The following HTR3C variants were observed in gnomAD, a reference collection of about 807,000 sequenced individuals.
The protein encoded by HTR3C is 5-hydroxytryptamine receptor 3C.
Under a neutral mutation model 40.5 loss-of-function variants are expected in HTR3C, and 32 were observed. That is an observed-to-expected ratio of 0.79 (90% confidence interval 0.60 to 1.06). The LOEUF (loss-of-function observed/expected upper bound fraction) is 1.06, where lower values mean the gene tolerates loss of function less well. Ranked by LOEUF, HTR3C falls within the 50% of genes least tolerant of loss-of-function variation. HTR3C has a pLI of 0.00. For missense variants in HTR3C, 523 were observed against 556.8 expected (o/e 0.94, Z 0.61); for synonymous variants, 209 against 217.1 (o/e 0.96, Z 0.33).
In HTR3C at chr3:184,053,055, C is replaced by G; in HGVS notation, c.-26C>G. Reference sequence around the variant, plus strand: ...CAGGGTTTGGGAGCTCCTGGTGAATCCCCAGAGAAGAGTCCAGAAAGAAGA... The same window carrying G: ...CAGGGTTTGGGAGCTCCTGGTGAATGCCCAGAGAAGAGTCCAGAAAGAAGA... On this transcript the variant is annotated 5_prime_UTR_variant, in exon 1 of 9. The change creates a new upstream start codon in the 5' untranslated region. Coordinates refer to ENST00000318351, the MANE Select transcript of HTR3C (RefSeq NM_130770.3). 6.3e-7 allele frequency: 1 copy of G among 1,593,232 alleles called. No individual in the cohort carries two copies. Among genetic ancestry groups the G allele is most frequent in the Non-Finnish European group, 8.6e-7 (1 of 1,161,110 alleles).
intron 2 of HTR3C, 137 bp downstream of exon 2, chr3:184,055,024 T>C: frequency 1.2e-6 from 1 of 857,492 alleles, no homozygotes; most frequent in Non-Finnish European, 1.8e-6. Flanking sequence ...TTAGATGCTT[T>C]TCCTATGCGA....
Position 184,060,148 on chromosome 3 carries a change from A to G in HTR3C, c.1142-2A>G. The G allele has an allele frequency of 6.2e-7, 1 of 1,613,290 alleles. No individual in the cohort carries two copies. The highest frequency in any genetic ancestry group is 8.5e-7 in the Non-Finnish European group (1 of 1,179,640). Reference sequence around the variant, plus strand: ...ATGACTGAGCCTCTGTCCTCTCCACAGGCCCAAAGGAGCCGGGGGAGTTAG... The same window carrying G: ...ATGACTGAGCCTCTGTCCTCTCCACGGGCCCAAAGGAGCCGGGGGAGTTAG... On this transcript the variant is annotated splice_acceptor_variant, in intron 8 of 8. Transcript: ENST00000318351. LOFTEE classifies it high-confidence loss of function.
Position 184,054,793 on chromosome 3 carries a change from C to A in HTR3C, c.140C>A (p.Ala47Glu). The A allele has an allele frequency of 6.2e-7, 1 of 1,613,936 alleles. No individual in the cohort carries two copies. Among genetic ancestry groups the A allele is most frequent in the Non-Finnish European group, 8.5e-7 (1 of 1,179,880 alleles). ...QHGVDPAVFQ[A>E]VFDRKAFRPF... ...GGGGTTGACCCTGCTGTCTTCCAAG[C>A]AGTGTTTGACAGAAAGGCCTTCCGT... The change falls in exon 2 of 9, where the codon GCA (alanine) becomes GAA (glutamate). Residue 47 changes from alanine (A) to glutamate (E), a missense_variant. By Grantham distance (107) the Ala-to-Glu change is moderately radical. Transcript: ENST00000318351.
chr3:184,053,848 G>C (rs141466167), intron 1 of HTR3C, among the ~76,000 whole-genome samples: 1 of 152,106 alleles, frequency 6.6e-6, no homozygotes, highest in African/African-American at 2.4e-5. Flanking sequence ...TCCGCCTCTC[G>C]GGTTTGAGCG....
chr3:184,058,800 T>C (rs7631264), intron 6 of HTR3C, among the ~76,000 whole-genome samples: 7,269 of 151,898 alleles, frequency 0.048, 592 homozygotes, highest in African/African-American at 0.16. Context: ...CCGTCTCTAA[T>C]TTAAAAAACA....
chr3:184,056,858 C>G lies in HTR3C; in HGVS notation c.390-17C>G. The G allele has an allele frequency of 6.3e-7, 1 of 1,578,236 alleles. No individual in the cohort carries two copies. Among genetic ancestry groups the G allele is most frequent in the Non-Finnish European group, 8.6e-7 (1 of 1,156,446 alleles). On this transcript the variant is annotated splice_polypyrimidine_tract_variant and intron_variant, in intron 4 of 8. Transcript: ENST00000318351. The stretch of plus-strand genomic sequence containing the variant: ...AGCTGATTAAGCCTCCATCTCTTCC[C>G]TCCCTTCCCCAAACAGCATGGATGT...
At chr3:184,054,280 T>C (rs1723279885) in intron 1 of HTR3C, among the ~76,000 whole-genome samples, 1 of 152,190 alleles carries the variant, frequency 6.6e-6, no homozygotes, top group African/African-American at 2.4e-5. Flanking sequence ...GATAAATCAG[T>C]TCTTGCCTTC....
intron 7 of HTR3C, 72 bp from the exon 8 acceptor site, chr3:184,059,755 AT>A: frequency 6.3e-7 from 1 of 1,597,318 alleles, no homozygotes; most frequent in Non-Finnish European, 8.6e-7. Flanking sequence ...AGAAGATTGG[AT>A]TTAGGAAAGA....
In HTR3C at chr3:184,059,615, C is replaced by G. The variant is rs923953889; in HGVS notation, c.900C>G (p.Leu300=). The G allele has an allele frequency of 6.2e-7, 1 of 1,614,106 alleles. No individual in the cohort carries two copies. The highest frequency in any genetic ancestry group is 8.5e-7 in the Non-Finnish European group (1 of 1,180,006). The change falls in exon 7 of 9, where the codon CTC becomes CTG. Residue 300 remains leucine, a synonymous_variant. Coordinates refer to ENST00000318351, the MANE Select transcript of HTR3C (RefSeq NM_130770.3). The part of the protein sequence containing the change: ...NVFLLMMNDL[L]PASGTPLISV... ...TCCTGCTCATGATGAATGACTTGCTCCCTGCCAGTGGCACCCCCCTCATCA... is the reference window on the plus strand; with the variant it reads ...TCCTGCTCATGATGAATGACTTGCTGCCTGCCAGTGGCACCCCCCTCATCA...
chr3:184,055,812 T>TAGC (rs1403560777), intron 3 of HTR3C, among the ~76,000 whole-genome samples: 3,203 of 133,262 alleles, frequency 0.024, 115 homozygotes, highest in African/African-American at 0.087. Flanking sequence ...AAAAAATAAC[T>TAGC]CCATGTAGAA....
rs1259763369 is a variant in HTR3C at position 184,060,256 on chromosome 3, G to A, written c.1248G>A (p.Val416=). ...WTKTQLMELW[V]QFSHAMDTLL... ...AGACCCAGCTAATGGAGCTGTGGGT[G>A]CAGTTCAGCCACGCGATGGACACCC... Residue 416 remains valine (V), a synonymous_variant, in exon 9 of 9, where the codon GTG becomes GTA. Coordinates refer to ENST00000318351, the MANE Select transcript of HTR3C (RefSeq NM_130770.3). The A allele has an allele frequency of 1.2e-6, 2 of 1,613,988 alleles. No homozygotes were observed. Among genetic ancestry groups the A allele is most frequent in the Non-Finnish European group, 1.7e-6 (2 of 1,180,004 alleles).
In HTR3C at chr3:184,060,478, A is replaced by G. The variant is rs1723426043; in HGVS notation, c.*126A>G. 2 of 1,250,146 alleles carry G rather than the reference A, an allele frequency of 1.6e-6. No individual in the cohort carries two copies. The highest frequency in any genetic ancestry group is 2.7e-5 in the South Asian group (2 of 75,262). The allele number at this position is 1,250,146 out of a possible 1,614,324, so 77.4% of individuals were successfully genotyped here. On this transcript the variant is annotated 3_prime_UTR_variant, in exon 9 of 9. Transcript: ENST00000318351. ...CTACCATGTCCCCTTCTAAATTCCA[A>G]AGACTCCAACGCAGCACTAGCAAGC...
In HTR3C at chr3:184,058,566, A is replaced by G. The variant is rs760695777; in HGVS notation, c.699A>G (p.Leu233=). Residue 233 remains leucine, a synonymous_variant, in exon 6 of 9, where the codon CTA becomes CTG. Transcript: ENST00000318351. The stretch of plus-strand genomic sequence containing the variant: ...CAAAGATGTCCATGGGCAACAACCT[A>G]TATGACCAGATCATGTTTTATGTGA... ...ATPKMSMGNN[L]YDQIMFYVAI... The G allele has an allele frequency of 2.0e-5, 33 of 1,612,600 alleles. No individual in the cohort carries two copies. Among genetic ancestry groups the G allele is most frequent in the African/African-American group, 2.7e-5 (2 of 74,806 alleles).
rs1453362578 is a variant in HTR3C at position 184,058,594 on chromosome 3, C to T, written c.720+7C>T. On this transcript the variant is annotated splice_region_variant and intron_variant, in intron 6 of 8. Transcript: ENST00000318351. ...TGACCAGATCATGTTTTATGTGAGT[C>T]CAGGGGCCCCTGTTTGACTTCTGAT... 6 of 1,605,348 alleles carry T rather than the reference C, an allele frequency of 3.7e-6. No individual in the cohort carries two copies. The African/African-American group carries it at 8.1e-5, about 22-fold the overall frequency.
chr3:184,054,806 A>G lies in HTR3C; in HGVS notation c.153A>G (p.Arg51=), dbSNP rs1442402557. Residue 51 remains arginine (R), a synonymous_variant, in exon 2 of 9, where the codon AGA becomes AGG. Coordinates refer to ENST00000318351, the MANE Select transcript of HTR3C (RefSeq NM_130770.3). ...DPAVFQAVFD[R]KAFRPFTNYS... is the part of the protein sequence containing the mutation. ...CTGTCTTCCAAGCAGTGTTTGACAG[A>G]AAGGCCTTCCGTCCATTCACCAACT... 2 of 1,613,974 alleles carry G rather than the reference A, an allele frequency of 1.2e-6. No individual in the cohort carries two copies. The highest frequency in any genetic ancestry group is 1.7e-6 in the Non-Finnish European group (2 of 1,179,896).
At chr3:184,055,436 A>C (rs1295735008) in intron 3 of HTR3C, 80 bp downstream of exon 3, 1 of 1,060,048 alleles carries the variant, frequency 9.4e-7, no homozygotes, top group African/African-American at 1.6e-5. Flanking sequence ...TAAAGGGGCC[A>C]GAAGCAGTGG....
intron 7 of HTR3C, 64 bp from the exon 8 acceptor site, chr3:184,059,764 A>G (rs1723406422): frequency 1.3e-6 from 2 of 1,598,478 alleles, no homozygotes; most frequent in East Asian, 2.2e-5. Context: ...GATTTAGGAA[A>G]GAGGCGTGAG....
At position 184,059,424 on chromosome 3, in the gene HTR3C, G is replaced by T. The variant is rs749365313; in HGVS notation, c.721-12G>T. ...ATCTATTTATTTGCCATCTTCTCCGGTCTCTCTCCAGGTGGCCATCAGGCG... is the reference window on the plus strand; with the variant it reads ...ATCTATTTATTTGCCATCTTCTCCGTTCTCTCTCCAGGTGGCCATCAGGCG... On this transcript the variant is annotated splice_polypyrimidine_tract_variant and intron_variant, in intron 6 of 8. Transcript: ENST00000318351. 6.2e-7 allele frequency: 1 copy of T among 1,612,696 alleles called. No homozygotes were observed. Among genetic ancestry groups the T allele is most frequent in the Non-Finnish European group, 8.5e-7 (1 of 1,178,856 alleles).
At chr3:184,059,680 G>T in intron 7 of HTR3C, 40 bp downstream of exon 7, 2 of 1,608,988 alleles carry the variant, frequency 1.2e-6, no homozygotes, top group Non-Finnish European at 1.7e-6. Flanking sequence ...AAGGGCACCC[G>T]GGGCCAGGGA....
Sources: gnomAD v4.1 joint callset for allele counts (sites outside exome capture counted in the v4.1 genomes callset) on GRCh38, gnomAD v4.1.1 for gene constraint, MANE v1.5 for transcripts, NCBI Gene and HGNC (gene_info 2026-07-23, HGNC 2026-07-21) for gene names.